Variants in PAGE3 observed in about 807,000 individuals in gnomAD.
PAGE3 encodes P antigen family member 3.
PAGE3 carries 9 observed loss-of-function variants against 3.8 expected under a neutral mutation model. The observed-to-expected ratio is 2.36, with a 90% CI of 1.42 to 4.12. PAGE3 has a LOEUF of 4.12. PAGE3 is among the 30% of genes most tolerant of loss of function. PAGE3 has a pLI of 0.00. For missense variants in PAGE3, 73 were observed against 37.8 expected, an observed-to-expected ratio of 1.93 and a Z score of -2.44; for synonymous variants, 24 against 13.1, an observed-to-expected ratio of 1.83 and a Z score of -1.79.
chrX:55,259,405 T>G (rs1938247762), intron 4 of PAGE3, among the ~76,000 whole-genome samples: 1 of 111,360 alleles, frequency 9.0e-6, no homozygotes, highest in Non-Finnish European at 1.9e-5. Context: ...TTCATCCATG[T>G]TATGATGTTT....
chrX:55,264,360 G>A (rs1569162934), intron 1 of PAGE3, among the ~76,000 whole-genome samples, 186 bp downstream of exon 1: 1 of 110,574 alleles, frequency 9.0e-6, no homozygotes, highest in South Asian at 3.9e-4. Flanking sequence ...CCGAGTGAAG[G>A]GCATGCTCCT....
chrX:55,264,263 TA>T (rs781213807), intron 1 of PAGE3, among the ~76,000 whole-genome samples: 2 of 109,644 alleles, frequency 1.8e-5, no homozygotes, highest in South Asian at 8.1e-4. Context: ...TCAGCCCATT[TA>T]CCCCCTAAAA....
intron 1 of PAGE3, among the ~76,000 whole-genome samples, 190 bp downstream of exon 1, chrX:55,264,356 G>A (rs1465424850): frequency 1.8e-5 from 2 of 110,783 alleles, no homozygotes; most frequent in Non-Finnish European, 3.8e-5. Context: ...AAAGCCGAGT[G>A]AAGGGCATGC....
At chrX:55,259,338 T>C (rs1938247143) in intron 4 of PAGE3, among the ~76,000 whole-genome samples, 1 of 110,968 alleles carries the variant, frequency 9.0e-6, no homozygotes, top group African/African-American at 3.3e-5. Flanking sequence ...AATAGCTTTT[T>C]TTTTTGTTTC....
At chrX:55,264,458 C>G (rs1204819852) in intron 1 of PAGE3, 88 bp downstream of exon 1, 5 of 111,348 alleles carry the variant, frequency 4.5e-5, no homozygotes, top group Non-Finnish European at 9.4e-5. Flanking sequence ...CCCTTCCTTA[C>G]TGCCCACCTC....
In PAGE3 at chrX:55,263,279, C is replaced by G; in HGVS notation, c.165G>C (p.Glu55Asp). 1.8e-6 allele frequency: 1 copy of G among 570,122 alleles called. No individual in the cohort carries two copies. The highest frequency in any genetic ancestry group is 3.2e-6 in the Non-Finnish European group (1 of 309,164). The allele number at this position is 570,122 out of a possible 1,213,427, so 47.0% of individuals were successfully genotyped here. ...IESQDYTPGQ[E>D]RDEGALDFQV... ...GGAAGTCCAGTGCTCCCTCGTCTCT[C>G]TCTTGACCAGGTGTATAATCCTGAC... is the stretch of plus-strand genomic sequence containing the variant. Residue 55 changes from glutamate to aspartate, a missense_variant, in exon 3 of 5, where the codon GAG (glutamate) becomes GAC (aspartate). Physicochemically the swap from Glu to Asp is conservative, Grantham distance 45. Coordinates refer to ENST00000374951, the MANE Select transcript of PAGE3 (RefSeq NM_001017931.3).
At chrX:55,261,806 C>T (rs1263839872) in intron 3 of PAGE3, among the ~76,000 whole-genome samples, 1 of 111,510 alleles carries the variant, frequency 9.0e-6, no homozygotes, top group Non-Finnish European at 1.9e-5. Context: ...AACTTTACAC[C>T]ATGGATAAGA....
intron 3 of PAGE3, 38 bp downstream of exon 3, chrX:55,263,213 C>G: frequency 3.6e-6 from 2 of 552,665 alleles, no homozygotes; most frequent in South Asian, 2.4e-5. Context: ...ACATACACCC[C>G]CTCCATTCAT....
intron 4 of PAGE3, among the ~76,000 whole-genome samples, chrX:55,259,061 G>A (rs998376715): frequency 7.2e-5 from 8 of 111,516 alleles, no homozygotes; most frequent in Non-Finnish European, 1.3e-4. Context: ...TTTTAAGTAG[G>A]TTAACCATTT....
At chrX:55,260,737 C>T in intron 3 of PAGE3, 78 bp from the exon 4 acceptor site, 1 of 409,217 alleles carries the variant, frequency 2.4e-6, no homozygotes, top group Non-Finnish European at 4.4e-6. Flanking sequence ...TTCACTCCCT[C>T]AATGTTATGA....
At chrX:55,263,196 G>C (rs1462738698) in intron 3 of PAGE3, 55 bp downstream of exon 3, 21 of 513,036 alleles carry the variant, frequency 4.1e-5, no homozygotes, top group Non-Finnish European at 6.4e-5. Flanking sequence ...CATAATACAT[G>C]ATATATACAT....
At chrX:55,260,759 A>G in intron 3 of PAGE3, 100 bp from the exon 4 acceptor site, 2 of 389,320 alleles carry the variant, frequency 5.1e-6, no homozygotes, top group Non-Finnish European at 9.2e-6. Flanking sequence ...ATAAAAGCCT[A>G]TAGGCTAGTG....
intron 1 of PAGE3, 92 bp from the exon 2 acceptor site, chrX:55,264,003 G>A (rs952835856): frequency 1.4e-5 from 6 of 435,033 alleles, no homozygotes; most frequent in Admixed American, 3.7e-5. Context: ...GCAAGCTCAC[G>A]ATTACCCTGG....
In PAGE3 at chrX:55,260,582, T is replaced by G. The variant is rs1464703821; in HGVS notation, c.271A>C (p.Lys91Gln). 1.8e-6 allele frequency: 1 copy of G among 565,323 alleles called. No homozygotes were observed. The highest frequency in any genetic ancestry group is 3.3e-6 in the Non-Finnish European group (1 of 307,252). 46.6% of individuals were successfully genotyped at this position (565,323 alleles called of 1,213,427 possible). A position where few individuals can be genotyped will look rare whatever the true frequency, so the allele number is the denominator to read the frequency against. The change falls in exon 4 of 5, where the codon AAG (lysine) becomes CAG (glutamine). Residue 91 changes from lysine (K) to glutamine (Q), a missense_variant. Coordinates refer to ENST00000374951, the MANE Select transcript of PAGE3 (RefSeq NM_001017931.3). ...GGERGDGPNV[K>Q]GEFLPNLEPV... ...TCCAGATTTGGCAGAAATTCTCCCT[T>G]GACATTAGGACCATCTCCACGTTCA...
intron 1 of PAGE3, among the ~76,000 whole-genome samples, chrX:55,264,176 T>G (rs918350642): frequency 4.5e-5 from 5 of 111,099 alleles, no homozygotes; most frequent in African/African-American, 1.6e-4. Context: ...AGACTCTCCA[T>G]CATGAAGATA....
chrX:55,258,648 T>C (rs1938236136), intron 4 of PAGE3, 120 bp from the exon 5 acceptor site: 2 of 455,147 alleles, frequency 4.4e-6, no homozygotes, highest in East Asian at 7.7e-5. Flanking sequence ...GGTAACCCTC[T>C]GGCTTATATC....
chrX:55,264,231 C>T (rs1938349834), intron 1 of PAGE3, among the ~76,000 whole-genome samples: 1 of 110,345 alleles, frequency 9.1e-6, no homozygotes, highest in African/African-American at 3.3e-5. Context: ...GTGACTACTG[C>T]TTTTGCCCCA....
intron 4 of PAGE3, among the ~76,000 whole-genome samples, chrX:55,258,955 A>G (rs762897914): frequency 8.9e-6 from 1 of 112,058 alleles, no homozygotes; most frequent in South Asian, 3.7e-4. Context: ...AAAGTGCTTA[A>G]GTGGCATAAA....
intron 4 of PAGE3, 69 bp downstream of exon 4, chrX:55,260,465 A>G: frequency 4.1e-6 from 2 of 487,219 alleles, no homozygotes; most frequent in Non-Finnish European, 3.8e-6. Context: ...TGGTACCTCT[A>G]TATTATAAAA....
Sources: allele counts gnomAD v4.1 joint callset (sites outside exome capture counted in the v4.1 genomes callset), GRCh38; gene constraint gnomAD v4.1.1; transcripts MANE v1.5; gene names NCBI Gene and HGNC (gene_info 2026-07-23, HGNC 2026-07-21).